DPP6: variants seen among roughly 807,000 people sequenced by gnomAD.
DPP6 encodes the protein A-type potassium channel modulatory protein DPP6.
A neutral mutation model predicts 122.6 loss-of-function variants in DPP6; 69 were observed. The ratio of observed to expected loss-of-function variants is 0.56; its 90% CI spans 0.46 to 0.69. DPP6 has a LOEUF of 0.69. Ranked by LOEUF, DPP6 falls within the 30% of genes least tolerant of loss-of-function variation. The pLI, the probability that DPP6 is intolerant of heterozygous loss-of-function variation, is 0.00. For synonymous variants in DPP6, 418 were observed against 433.1 expected, an observed-to-expected ratio of 0.97 and a Z score of 0.43; for missense variants, 928 against 1,116.9, an observed-to-expected ratio of 0.83 and a Z score of 2.41.
chr7:153,894,583 A>G (rs1799331401), intron 1 of DPP6, among the ~76,000 whole-genome samples: 1 of 152,028 alleles, frequency 6.6e-6, no homozygotes, highest in African/African-American at 2.4e-5. Context: ...GTTTTGAAAA[A>G]CCCAGTCATC....
chr7:154,282,951 C>G lies in DPP6; in HGVS notation c.244-163263C>G, dbSNP rs1272644882. Among the ~76,000 whole-genome samples, 1 of 152,098 alleles carries G rather than the reference C, an allele frequency of 6.6e-6. No individual in the cohort carries two copies. The highest frequency in any genetic ancestry group is 1.5e-5 in the Non-Finnish European group (1 of 68,008). ...CATGTCTGATGCCTAGCTCTGGACTCAAGGGCATCAGACATCAGAACACGT... is the reference window on the plus strand; with the variant it reads ...CATGTCTGATGCCTAGCTCTGGACTGAAGGGCATCAGACATCAGAACACGT... On this transcript the variant is annotated intron_variant, in intron 1 of 25. Transcript: ENST00000377770. The surrounding 1 kb of genome is among the most constrained non-coding windows in gnomAD (Gnocchi z 4.8).
chr7:153,882,609 A>G (rs2128989375), upstream of DPP6, among the ~76,000 whole-genome samples: 1 of 152,396 alleles, frequency 6.6e-6, no homozygotes, highest in South Asian at 2.1e-4. Flanking sequence ...TGCCAGCAGT[A>G]CATAAATTGA....
intron 3 of DPP6, among the ~76,000 whole-genome samples, chr7:154,503,284 G>A (rs770338453): frequency 6.6e-6 from 1 of 152,186 alleles, no homozygotes; most frequent in Non-Finnish European, 1.5e-5. Context: ...GCCAGGCCAG[G>A]TGATTCATAA....
intron 7 of DPP6, among the ~76,000 whole-genome samples, chr7:154,676,895 C>T (rs1157650036): frequency 1.3e-5 from 2 of 152,166 alleles, no homozygotes; most frequent in Non-Finnish European, 2.9e-5. Flanking sequence ...ACTTGGTTTG[C>T]GGCTTGTGCT....
intron 1 of DPP6, among the ~76,000 whole-genome samples, chr7:154,386,028 CA>C (rs1213221116): frequency 6.6e-6 from 1 of 152,156 alleles, no homozygotes; most frequent in Non-Finnish European, 1.5e-5. Context: ...CCCTTTCTTG[CA>C]AAAGTACAAG....
rs1244562858 is a variant in DPP6 at position 153,979,252 on chromosome 7, T to A, written c.51+91518T>A. 6.6e-5 allele frequency among the ~76,000 whole-genome samples: 10 copies of A among 152,210 alleles called. No individual in the cohort carries two copies. In the East Asian group the frequency reaches 1.9e-3, roughly 29 times the overall value. On this transcript the variant is annotated intron_variant, in intron 1 of 25. Transcript: ENST00000404039. ...TGGTTTGTAGTTCTCCTTGAAGAGG[T>A]CCTTCACACCCCTTGTCAGTTGGAT... is the stretch of plus-strand genomic sequence containing the variant.
chr7:154,389,641 T>A lies in DPP6; in HGVS notation c.244-56573T>A, dbSNP rs562759586. On this transcript the variant is annotated intron_variant, in intron 1 of 25. Transcript: ENST00000377770. ...AATATTTATAAAACAAAGGCAGGGT[T>A]TTTTATTTTCAAATTTATGAGCTAG... 2.0e-5 allele frequency among the ~76,000 whole-genome samples: 3 copies of A among 152,334 alleles called. No homozygotes were observed. In the South Asian group the frequency reaches 6.2e-4, roughly 32 times the overall value.
At chr7:154,874,743 T>G (rs1804706410) in intron 19 of DPP6, among the ~76,000 whole-genome samples, 1 of 152,154 alleles carries the variant, frequency 6.6e-6, no homozygotes, top group Non-Finnish European at 1.5e-5. Context: ...TCCCTGCTGT[T>G]CCAGGGAGGC....
intron 1 of DPP6, among the ~76,000 whole-genome samples, chr7:154,089,410 C>T (rs1804651522): frequency 7.4e-6 from 1 of 135,622 alleles, no homozygotes; most frequent in African/African-American, 2.8e-5. Context: ...TAACCCAAGT[C>T]CTGGTTCTAT....
At chr7:154,724,273 TA>T (rs1430582375) in intron 7 of DPP6, among the ~76,000 whole-genome samples, 1 of 152,148 alleles carries the variant, frequency 6.6e-6, no homozygotes, top group East Asian at 1.9e-4. Context: ...GTCAGAATTA[TA>T]ATATCTTCCA....
intron 7 of DPP6, among the ~76,000 whole-genome samples, chr7:154,710,441 G>A (rs1212313731): frequency 6.6e-6 from 1 of 152,240 alleles, no homozygotes; most frequent in Admixed American, 6.5e-5. Context: ...TAGGTTCTGA[G>A]TGCCAGAGTG....
At chr7:153,784,081 A>G in the DPP6 span, among the ~76,000 whole-genome samples, 3 of 152,244 alleles carry the variant, frequency 2.0e-5, no homozygotes, top group Non-Finnish European at 4.4e-5. Context: ...AATTTAAAAC[A>G]ATATAAGATA....
At chr7:154,584,319 C>G (rs1271018782) in intron 5 of DPP6, among the ~76,000 whole-genome samples, 1 of 152,246 alleles carries the variant, frequency 6.6e-6, no homozygotes, top group African/African-American at 2.4e-5. Flanking sequence ...CCCTTCCAGC[C>G]TCTTCAGCAG....
intron 1 of DPP6, among the ~76,000 whole-genome samples, chr7:154,023,119 A>G (rs1422504236): frequency 6.6e-6 from 1 of 151,832 alleles, no homozygotes; most frequent in Non-Finnish European, 1.5e-5. Context: ...GATTCCATGA[A>G]TGTACCTTTA....
chr7:154,124,580 AGT>A (rs1807738505), intron 1 of DPP6, among the ~76,000 whole-genome samples: 1 of 152,276 alleles, frequency 6.6e-6, no homozygotes, highest in Non-Finnish European at 1.5e-5. Flanking sequence ...GATAGAAAGC[AGT>A]AAATGGTTTC....
intron 1 of DPP6, among the ~76,000 whole-genome samples, chr7:153,957,161 C>G (rs1409950539): frequency 6.6e-6 from 1 of 152,106 alleles, no homozygotes; most frequent in Non-Finnish European, 1.5e-5. Flanking sequence ...AAAATAACCT[C>G]AGGGTAAGAG....
chr7:154,049,304 TTG>T (rs66669803), upstream of DPP6, among the ~76,000 whole-genome samples: 162 of 121,882 alleles, frequency 1.3e-3, no homozygotes, highest in African/African-American at 3.2e-3. Flanking sequence ...TTTTCCTTGT[TTG>T]TGTGTGTGTG....
intron 10 of DPP6, among the ~76,000 whole-genome samples, chr7:154,779,060 A>ACAACTACCC (rs1796821662): frequency 2.3e-3 from 5 of 2,200 alleles, no homozygotes; most frequent in South Asian, 0.026. Flanking sequence ...CCCCACCATC[A>ACAACTACCC]CCACCATCAC....
upstream of DPP6, among the ~76,000 whole-genome samples, chr7:154,047,866 G>A (rs1358016862): frequency 6.9e-6 from 1 of 145,984 alleles, no homozygotes; most frequent in Admixed American, 6.8e-5. Context: ...ATGGTTCAAT[G>A]TAGAAAGGCA....
Sources: allele counts gnomAD v4.1 joint callset (sites outside exome capture counted in the v4.1 genomes callset), GRCh38; gene constraint gnomAD v4.1.1; non-coding constraint Gnocchi (gnomAD v3.1); transcripts MANE v1.5; gene names NCBI Gene and HGNC (gene_info 2026-07-23, HGNC 2026-07-21).